ACOT1: variants seen among roughly 807,000 people sequenced by gnomAD.
ACOT1 encodes acyl-coenzyme A thioesterase 1.
ACOT1 carries 8 observed loss-of-function variants against 15.7 expected under a neutral mutation model. That is an observed-to-expected ratio of 0.51 (90% CI 0.30 to 0.92). The LOEUF (loss-of-function observed/expected upper bound fraction) is 0.92, where lower values mean the gene tolerates loss of function less well. Ranked by LOEUF, ACOT1 falls within the 40% of genes least tolerant of loss-of-function variation. The pLI, the probability that ACOT1 is intolerant of heterozygous loss-of-function variation, is 0.06. For missense variants in ACOT1, 151 were observed against 539.4 expected, an observed-to-expected ratio of 0.28 and a Z score of 7.13; for synonymous variants, 67 against 241.2, an observed-to-expected ratio of 0.28 and a Z score of 6.69.
At chr14:73,514,471 G>A in the ACOT1 span, among the ~76,000 whole-genome samples, 2 of 151,842 alleles carry the variant, frequency 1.3e-5, no homozygotes, top group Non-Finnish European at 2.9e-5. Context: ...GATTTGTGGG[G>A]GGAAATTGAG....
At chr14:73,496,506 GA>G in the ACOT1 span, 1 of 743,250 alleles carries the variant, frequency 1.3e-6, no homozygotes. Context: ...TCTATGGTGG[GA>G]AAAAGGGTAT....
the ACOT1 span, chr14:73,514,344 C>T: frequency 3.3e-6 from 3 of 895,680 alleles, no homozygotes; most frequent in Non-Finnish European, 5.2e-6. Flanking sequence ...CAAAGCAAAA[C>T]AAAACCCTCA....
chr14:73,493,048 C>G, the ACOT1 span: 3 of 1,596,414 alleles, frequency 1.9e-6, no homozygotes, highest in Non-Finnish European at 2.6e-6. Context: ...TGATAAGCAT[C>G]AGTGTGCTCA....
chr14:73,526,200 C>T, the ACOT1 span, among the ~76,000 whole-genome samples: 6 of 152,176 alleles, frequency 3.9e-5, no homozygotes, highest in Non-Finnish European at 7.3e-5. Context: ...CACAGCACTA[C>T]ACTGAGCAGA....
At chr14:73,509,862 A>ATATT in the ACOT1 span, among the ~76,000 whole-genome samples, 1 of 63,216 alleles carries the variant, frequency 1.6e-5, no homozygotes, top group African/African-American at 6.8e-5. Context: ...ATATATATAT[A>ATATT]TATATATTTA....
At chr14:73,509,384 C>A in the ACOT1 span, 1 of 1,614,070 alleles carries the variant, frequency 6.2e-7, no homozygotes, top group African/African-American at 1.3e-5. Context: ...TGGCATATTG[C>A]TGCTGCCATC....
the ACOT1 span, among the ~76,000 whole-genome samples, chr14:73,509,832 A>ATT: frequency 2.7e-5 from 1 of 37,582 alleles, no homozygotes; most frequent in Admixed American, 2.1e-4. Context: ...ATATATATAT[A>ATT]TATATATATA....
At chr14:73,527,491 C>T in the ACOT1 span, 4 of 151,308 alleles carry the variant, frequency 2.6e-5, no homozygotes, top group African/African-American at 9.7e-5. Flanking sequence ...GCTGCTCTGC[C>T]TATGGAGTAG....
rs568589730 is a variant in ACOT1 at position 73,539,766 on chromosome 14, G to A, written c.458-1727G>A. ...ACGCGGTCCCTGTCCATCAGCACAC[G>A]CGTGGGCTGTGCTCATCGCTGCCGG... On this transcript the variant is annotated intron_variant, in intron 1 of 2. Coordinates refer to ENST00000311148, the MANE Select transcript of ACOT1 (RefSeq NM_001037161.2). The A allele has an allele frequency of 7.6e-5, 9 of 117,896 alleles. 1 individual carries two copies. Among genetic ancestry groups the A allele is most frequent in the African/African-American group, 1.9e-4 (7 of 36,252 alleles). The allele number at this position is 117,896 out of a possible 1,614,324, so 7.3% of individuals were successfully genotyped here.
At chr14:73,522,665 G>T in the ACOT1 span, 5,699 of 1,614,258 alleles carry the variant, frequency 3.5e-3, 14 homozygotes, top group Non-Finnish European at 4.6e-3. Context: ...ATGGATGAGA[G>T]GGCGGGGTGC....
At chr14:73,512,958 C>T in the ACOT1 span, among the ~76,000 whole-genome samples, 1 of 152,186 alleles carries the variant, frequency 6.6e-6, no homozygotes, top group South Asian at 2.1e-4. Context: ...ACAGTCCTTG[C>T]CAGGCCATTA....
chr14:73,493,908 A>G, the ACOT1 span, among the ~76,000 whole-genome samples: 1 of 152,230 alleles, frequency 6.6e-6, no homozygotes, highest in East Asian at 1.9e-4. Context: ...GGGATAATTT[A>G]TGCTATTTAA....
the ACOT1 span, among the ~76,000 whole-genome samples, chr14:73,512,801 G>A: frequency 6.6e-6 from 1 of 152,128 alleles, no homozygotes; most frequent in Non-Finnish European, 1.5e-5. Context: ...CCTATTATCT[G>A]TAGGTGTTTC....
chr14:73,525,876 C>T, the ACOT1 span, among the ~76,000 whole-genome samples: 1 of 151,838 alleles, frequency 6.6e-6, no homozygotes, highest in South Asian at 2.1e-4. Flanking sequence ...TTGCTTGAAC[C>T]TGGGAAGCAG....
Position 73,541,608 on chromosome 14 carries a change from T to C in ACOT1, c.573T>C (p.Tyr191=). 8.0e-7 allele frequency: 1 copy of C among 1,243,846 alleles called. No homozygotes were observed. The highest frequency in any genetic ancestry group is 1.1e-6 in the Non-Finnish European group (1 of 936,186). The allele number at this position is 1,243,846 out of a possible 1,614,324, so 77.1% of individuals were successfully genotyped here. ...TTGCTGTGATGGCTCTGGCTTACTA[T>C]AACTATGAAGACCTCCCCAAGACCA... is the stretch of plus-strand genomic sequence containing the variant. ...KGFAVMALAY[Y]NYEDLPKTME... is the part of the protein sequence containing the mutation. The change falls in exon 2 of 3, where the codon TAT becomes TAC. Residue 191 remains tyrosine, a synonymous_variant. Coordinates refer to ENST00000311148, the MANE Select transcript of ACOT1 (RefSeq NM_001037161.2).
At chr14:73,497,488 A>G in the ACOT1 span, among the ~76,000 whole-genome samples, 1 of 152,246 alleles carries the variant, frequency 6.6e-6, no homozygotes, top group Non-Finnish European at 1.5e-5. Context: ...GGGCTCACAG[A>G]GTTTAAATAC....
the ACOT1 span, chr14:73,519,012 T>C: frequency 6.2e-7 from 1 of 1,608,738 alleles, no homozygotes; most frequent in Non-Finnish European, 8.5e-7. Flanking sequence ...CCCTGTTAGC[T>C]TCCTGCTTAC....
the ACOT1 span, chr14:73,496,545 AG>A: frequency 2.8e-6 from 3 of 1,059,382 alleles, no homozygotes; most frequent in Non-Finnish European, 4.4e-6. Flanking sequence ...ACAGGGTCTG[AG>A]GAACTCTTGA....
At chr14:73,525,374 T>C in the ACOT1 span, among the ~76,000 whole-genome samples, 3 of 152,270 alleles carry the variant, frequency 2.0e-5, no homozygotes, top group South Asian at 6.2e-4. Flanking sequence ...CCAGAATCAA[T>C]AACCTCCCTC....
Sources: gnomAD v4.1 joint callset for allele counts (sites outside exome capture counted in the v4.1 genomes callset) on GRCh38, gnomAD v4.1.1 for gene constraint, MANE v1.5 for transcripts, NCBI Gene and HGNC (gene_info 2026-07-23, HGNC 2026-07-21) for gene names.